The following FHL2 variants were observed in gnomAD, a reference collection of about 807,000 sequenced individuals.
FHL2 encodes the protein four and a half LIM domains protein 2.
FHL2 carries 20 observed loss-of-function variants against 32.7 expected under a neutral mutation model. That is an observed-to-expected ratio of 0.61 (90% CI 0.43 to 0.89). FHL2 has a LOEUF of 0.89. FHL2 is among the 40% of genes least tolerant of loss of function. FHL2 has a pLI of 0.00. For missense variants in FHL2, 311 were observed against 358.6 expected, an observed-to-expected ratio of 0.87 and a Z score of 1.07; for synonymous variants, 123 against 128.1, an observed-to-expected ratio of 0.96 and a Z score of 0.27.
At chr2:105,389,911 G>A (rs1358473686) in intron 2 of FHL2, 2 of 152,192 alleles carry the variant, frequency 1.3e-5, no homozygotes, top group Non-Finnish European at 2.9e-5. Flanking sequence ...GATTCTACAG[G>A]ACCAGGACAG....
chr2:105,386,259 GAGAC>G, intron 3 of FHL2, 98 bp downstream of exon 3: 1 of 1,388,024 alleles, frequency 7.2e-7, no homozygotes, highest in South Asian at 1.3e-5. Flanking sequence ...GGGGGCTCAA[GAGAC>G]AGACTTCAGT....
At chr2:105,383,564 C>G (rs1167723724) in intron 3 of FHL2, among the ~76,000 whole-genome samples, 2 of 152,150 alleles carry the variant, frequency 1.3e-5, no homozygotes, top group Non-Finnish European at 2.9e-5. Context: ...CATAGGCATG[C>G]CAACATTTAA....
At position 105,367,737 on chromosome 2, in the gene FHL2, T is replaced by C; in HGVS notation, c.334A>G (p.Thr112Ala). The C allele has an allele frequency of 6.2e-7, 1 of 1,613,418 alleles. No individual in the cohort carries two copies. Among genetic ancestry groups the C allele is most frequent in the Non-Finnish European group, 8.5e-7 (1 of 1,179,644 alleles). Reference protein sequence around the residue: ...QECKKTIMPGTRKMEYKGSSW... With the variant: ...QECKKTIMPGARKMEYKGSSW... ...CTGCCCTTGTACTCCATCTTGCGGGTACCTGTCATCAGGGTCAAGAGGAAC... is the reference window on the plus strand; with the variant it reads ...CTGCCCTTGTACTCCATCTTGCGGGCACCTGTCATCAGGGTCAAGAGGAAC... The change falls in exon 5 of 7, where the codon ACC becomes GCC. Residue 112 changes from threonine to alanine, a missense_variant and splice_region_variant. Transcript: ENST00000530340.
intron 1 of FHL2, among the ~76,000 whole-genome samples, chr2:105,406,775 C>T (rs1683643605): frequency 6.6e-6 from 1 of 152,230 alleles, no homozygotes; most frequent in South Asian, 2.1e-4. Flanking sequence ...CCTCGCTGCT[C>T]ACTCTCTTTG....
At chr2:105,423,124 C>A (rs1017077642) in intron 1 of FHL2, among the ~76,000 whole-genome samples, 8 of 152,088 alleles carry the variant, frequency 5.3e-5, no homozygotes, top group Non-Finnish European at 8.8e-5. Flanking sequence ...CTGATGTTTG[C>A]CCCCAGAGGA....
At chr2:105,397,889 T>G (rs201596628) in intron 1 of FHL2, among the ~76,000 whole-genome samples, 4 of 70,160 alleles carry the variant, frequency 5.7e-5, no homozygotes, top group South Asian at 4.0e-4. Context: ...TTGTTTTTTG[T>G]TTTTTTTTGT....
chr2:105,393,485 T>TA (rs1253594095), intron 2 of FHL2, among the ~76,000 whole-genome samples: 1 of 152,160 alleles, frequency 6.6e-6, no homozygotes, highest in African/African-American at 2.4e-5. Context: ...TGGGCTCTTT[T>TA]AAAAAATACA....
intron 2 of FHL2, among the ~76,000 whole-genome samples, chr2:105,387,297 A>T (rs751360131): frequency 3.3e-5 from 5 of 152,186 alleles, no homozygotes; most frequent in African/African-American, 4.8e-5. Context: ...CATGATTTGA[A>T]TAGGAAGAAA....
chr2:105,417,806 A>T (rs1434181250), intron 1 of FHL2, among the ~76,000 whole-genome samples: 1 of 152,084 alleles, frequency 6.6e-6, no homozygotes, highest in Non-Finnish European at 1.5e-5. Context: ...TCTGGAATGC[A>T]GCTGGGCTTT....
downstream of FHL2, chr2:105,359,170 G>A (rs1357813710): frequency 6.6e-6 from 1 of 151,872 alleles, no homozygotes; most frequent in African/African-American, 2.4e-5. Flanking sequence ...TAGTCCAATT[G>A]GAGCTATTTA....
At chr2:105,438,465 G>T (rs1171296730) in exon 1 of FHL2, 2 of 985,512 alleles carry the variant, frequency 2.0e-6, no homozygotes, top group Non-Finnish European at 2.4e-6. Flanking sequence ...TGTGCAGGCG[G>T]ACTGCCTGGT....
intron 4 of FHL2, among the ~76,000 whole-genome samples, chr2:105,370,365 ATCCT>A (rs1328943320): frequency 1.3e-5 from 2 of 150,230 alleles, no homozygotes; most frequent in African/African-American, 2.5e-5. Flanking sequence ...AAAGAGCGAG[ATCCT>A]GGCTCAAAAA....
intron 4 of FHL2, among the ~76,000 whole-genome samples, chr2:105,371,815 ATGTCGTGGT>A (rs1681096053): frequency 6.6e-6 from 1 of 152,154 alleles, no homozygotes. Context: ...TTTTCAATTA[ATGTCGTGGT>A]TCTTATTGTT....
chr2:105,398,918 T>C lies in FHL2; in HGVS notation c.-152A>G. 1 of 1,539,770 alleles carries C rather than the reference T, an allele frequency of 6.5e-7. No individual in the cohort carries two copies. The highest frequency in any genetic ancestry group is 8.7e-7 in the Non-Finnish European group (1 of 1,146,486). On this transcript the variant is annotated 5_prime_UTR_variant, in exon 1 of 7. Coordinates refer to ENST00000530340, the MANE Select transcript of FHL2 (RefSeq NM_001318895.3). ...TTCGGCCCCCACTTCCGAGCCCTGG[T>C]GGCTAAGCCCCTCGGCCTCCCTCCG...
chr2:105,434,299 C>T (rs1472095503), intron 1 of FHL2, among the ~76,000 whole-genome samples: 5 of 152,214 alleles, frequency 3.3e-5, no homozygotes, highest in Non-Finnish European at 5.9e-5. Context: ...TGACCAGGCA[C>T]GGTGGCTCAC....
chr2:105,369,500 T>C (rs1573294209), intron 4 of FHL2, among the ~76,000 whole-genome samples: 2 of 152,132 alleles, frequency 1.3e-5, no homozygotes, highest in Admixed American at 6.5e-5. Flanking sequence ...AGGGTGTGTG[T>C]TGGGGGGCAA....
At chr2:105,434,487 G>C (rs1427932242) in intron 1 of FHL2, among the ~76,000 whole-genome samples, 3 of 152,088 alleles carry the variant, frequency 2.0e-5, no homozygotes, top group Admixed American at 2.0e-4. Flanking sequence ...AGAATCACTT[G>C]AACCTGGGAG....
At chr2:105,423,008 A>G (rs905244140) in intron 1 of FHL2, among the ~76,000 whole-genome samples, 1 of 152,124 alleles carries the variant, frequency 6.6e-6, no homozygotes, top group African/African-American at 2.4e-5. Flanking sequence ...GGAACCCATT[A>G]CAACTCCCTC....
chr2:105,408,722 CACT>C (rs1002585684), intron 1 of FHL2, among the ~76,000 whole-genome samples: 1 of 152,192 alleles, frequency 6.6e-6, no homozygotes, highest in Non-Finnish European at 1.5e-5. Flanking sequence ...CTTTCGTCAT[CACT>C]ACTACCACCA....
Sources: gnomAD v4.1 joint callset for allele counts (sites outside exome capture counted in the v4.1 genomes callset) on GRCh38, gnomAD v4.1.1 for gene constraint, MANE v1.5 for transcripts, NCBI Gene and HGNC (gene_info 2026-07-23, HGNC 2026-07-21) for gene names.